CNBD1: variants seen among roughly 807,000 people sequenced by gnomAD.
CNBD1 encodes cyclic nucleotide-binding domain-containing protein 1.
A neutral mutation model predicts 54.4 loss-of-function variants in CNBD1; 71 were observed. The observed-to-expected ratio is 1.30, with a 90% CI of 1.08 to 1.59. The LOEUF (loss-of-function observed/expected upper bound fraction) is 1.59, where lower values mean the gene tolerates loss of function less well. CNBD1 is among the 40% of genes most tolerant of loss of function. The pLI, the probability that CNBD1 is intolerant of heterozygous loss-of-function variation, is 0.00. For synonymous variants in CNBD1, 182 were observed against 170.7 expected, an observed-to-expected ratio of 1.07 and a Z score of -0.51; for missense variants, 659 against 518.0, an observed-to-expected ratio of 1.27 and a Z score of -2.64.
chr8:87,333,355 A>G (rs1400902160), intron 8 of CNBD1, among the ~76,000 whole-genome samples: 19 of 152,116 alleles, frequency 1.2e-4, no homozygotes, highest in Non-Finnish European at 2.5e-4. Context: ...TTCTATTTGA[A>G]TATCCTTTAT....
At chr8:87,223,230 TTTTA>T (rs201362606) in intron 5 of CNBD1, among the ~76,000 whole-genome samples, 19 of 149,624 alleles carry the variant, frequency 1.3e-4, no homozygotes, top group South Asian at 4.2e-4. Context: ...TTTTTTTAAT[TTTTA>T]TTTATTTATT....
chr8:87,157,206 G>C (rs995724308), intron 4 of CNBD1, among the ~76,000 whole-genome samples: 1 of 152,098 alleles, frequency 6.6e-6, no homozygotes, highest in South Asian at 2.1e-4. Flanking sequence ...TAGATTTAAC[G>C]CTGATTAACA....
intron 10 of CNBD1, among the ~76,000 whole-genome samples, chr8:87,354,182 G>T (rs770521286): frequency 6.6e-6 from 1 of 152,066 alleles, no homozygotes; most frequent in Non-Finnish European, 1.5e-5. Context: ...CTGAAAATGG[G>T]AGCCTTGTCT....
At chr8:87,138,913 A>G (rs1267047677) in intron 4 of CNBD1, among the ~76,000 whole-genome samples, 6 of 152,210 alleles carry the variant, frequency 3.9e-5, no homozygotes, top group African/African-American at 1.4e-4. Flanking sequence ...TAACTATGAT[A>G]TATTTTAGGA....
At chr8:87,022,280 A>C (rs965386030) in intron 4 of CNBD1, among the ~76,000 whole-genome samples, 1 of 152,230 alleles carries the variant, frequency 6.6e-6, no homozygotes, top group African/African-American at 2.4e-5. Flanking sequence ...GACTACTTGC[A>C]TGGAGTGAGG....
At chr8:87,115,066 C>G (rs1413970781) in intron 4 of CNBD1, among the ~76,000 whole-genome samples, 1 of 152,050 alleles carries the variant, frequency 6.6e-6, no homozygotes, top group Non-Finnish European at 1.5e-5. Context: ...GAATATTGGA[C>G]CTTAATGGCA....
intron 3 of CNBD1, among the ~76,000 whole-genome samples, chr8:86,926,410 G>A (rs1386338772): frequency 6.6e-6 from 1 of 152,146 alleles, no homozygotes; most frequent in Non-Finnish European, 1.5e-5. Flanking sequence ...CCAGTTGTAA[G>A]ACCATCTGTA....
At chr8:87,085,892 GTTTA>G (rs1166149228) in intron 4 of CNBD1, among the ~76,000 whole-genome samples, 1 of 152,106 alleles carries the variant, frequency 6.6e-6, no homozygotes, top group Non-Finnish European at 1.5e-5. Flanking sequence ...TAGGATTAGG[GTTTA>G]TTTGTCTCCT....
At chr8:87,030,734 A>G (rs2130593002) in intron 4 of CNBD1, among the ~76,000 whole-genome samples, 1 of 152,184 alleles carries the variant, frequency 6.6e-6, no homozygotes, top group East Asian at 1.9e-4. Flanking sequence ...ATTCAGCTAG[A>G]ACTCAGGATA....
chr8:87,344,705 TAACA>T (rs1293959822), intron 8 of CNBD1, among the ~76,000 whole-genome samples: 1 of 150,032 alleles, frequency 6.7e-6, no homozygotes, highest in African/African-American at 2.5e-5. Context: ...TTATTTCACA[TAACA>T]AAAAAATTAC....
chr8:87,029,279 G>C (rs1281058873), intron 4 of CNBD1, among the ~76,000 whole-genome samples: 1 of 152,142 alleles, frequency 6.6e-6, no homozygotes, highest in African/African-American at 2.4e-5. Context: ...GCATAGTGCA[G>C]TATTATGTAG....
intron 4 of CNBD1, among the ~76,000 whole-genome samples, chr8:87,112,164 C>T (rs1459923623): frequency 6.6e-6 from 1 of 152,188 alleles, no homozygotes; most frequent in Non-Finnish European, 1.5e-5. Flanking sequence ...TCTGCCTGCT[C>T]ACTCTTGAAT....
intron 8 of CNBD1, among the ~76,000 whole-genome samples, chr8:87,297,508 A>T (rs891450335): frequency 1.3e-5 from 2 of 152,200 alleles, no homozygotes; most frequent in Non-Finnish European, 2.9e-5. Flanking sequence ...ATGAATTTTT[A>T]AATCTGTGTA....
intron 3 of CNBD1, among the ~76,000 whole-genome samples, chr8:86,907,432 C>A (rs113224404): frequency 0.093 from 14,153 of 152,088 alleles, 954 homozygotes; most frequent in African/African-American, 0.2. Flanking sequence ...CTTTGGTAGG[C>A]CAAGGCGGGC....
intron 4 of CNBD1, among the ~76,000 whole-genome samples, chr8:87,070,040 A>C (rs1369954282): frequency 6.6e-6 from 1 of 152,092 alleles, no homozygotes; most frequent in Non-Finnish European, 1.5e-5. Context: ...CTCCACTCTC[A>C]TGTCAGAGAG....
At chr8:87,226,591 C>G (rs933750817) in intron 5 of CNBD1, among the ~76,000 whole-genome samples, 9 of 149,072 alleles carry the variant, frequency 6.0e-5, no homozygotes, top group Non-Finnish European at 1.0e-4. Flanking sequence ...TTTGATTGCA[C>G]TGTGGTCTGA....
Position 86,941,062 on chromosome 8 carries a change from G to A in CNBD1, c.431+1308G>A, listed in dbSNP as rs978185266. On this transcript the variant is annotated intron_variant, in intron 4 of 10. Transcript: ENST00000518476. ...TCAGAATGTATCCCCGTTGTTAAGT[G>A]ACACATGACTATGATTGCAAATTTG... 2.0e-5 allele frequency among the ~76,000 whole-genome samples: 3 copies of A among 152,312 alleles called. 1 individual carries two copies. The South Asian group carries it at 6.2e-4, about 32-fold the overall frequency.
chr8:87,367,719 G>A (rs1395693002), intron 10 of CNBD1, among the ~76,000 whole-genome samples: 2 of 152,034 alleles, frequency 1.3e-5, no homozygotes, highest in African/African-American at 4.8e-5. Flanking sequence ...CCTATTTTGT[G>A]GATCAGGAGA....
At chr8:86,942,534 C>T (rs867372620) in intron 4 of CNBD1, among the ~76,000 whole-genome samples, 7 of 152,198 alleles carry the variant, frequency 4.6e-5, no homozygotes, top group Admixed American at 6.5e-5. Flanking sequence ...GGGGGCCCCT[C>T]TTTCTACTAG....
Sources: gnomAD v4.1 joint callset for allele counts (sites outside exome capture counted in the v4.1 genomes callset) on GRCh38, gnomAD v4.1.1 for gene constraint, MANE v1.5 for transcripts, NCBI Gene and HGNC (gene_info 2026-07-23, HGNC 2026-07-21) for gene names.